The following TMEM245 variants were observed in gnomAD, a reference collection of about 807,000 sequenced individuals.
TMEM245 encodes the protein protein CG-2.
TMEM245 carries 69 observed loss-of-function variants against 101.2 expected under a neutral mutation model. The ratio of observed to expected loss-of-function variants is 0.68; its 90% confidence interval spans 0.56 to 0.83. The LOEUF (loss-of-function observed/expected upper bound fraction) is 0.83. Ranked by LOEUF, TMEM245 falls within the 40% of genes least tolerant of loss-of-function variation. TMEM245 has a pLI of 0.00. For synonymous variants in TMEM245, 537 were observed against 449.8 expected (o/e 1.19, Z -2.45); for missense variants, 1,075 against 1,092.8 (o/e 0.98, Z 0.23).
chr9:109,115,322 C>T (rs1429671236), intron 1 of TMEM245, among the ~76,000 whole-genome samples: 1 of 151,388 alleles, frequency 6.6e-6, no homozygotes, highest in Non-Finnish European at 1.5e-5. Flanking sequence ...CCAGCCTGGG[C>T]AACAAGAGCA....
chr9:109,119,296 C>G, intron 1 of TMEM245, 39 bp downstream of exon 1: 1 of 1,507,822 alleles, frequency 6.6e-7, no homozygotes. Context: ...AGCGCCGGGA[C>G]CACGGGCGGG....
In TMEM245 at chr9:109,050,410, G is replaced by T; in HGVS notation, c.1996C>A (p.Leu666Ile). The change falls in exon 14 of 18, where the codon CTA (leucine) becomes ATA (isoleucine). Residue 666 changes from leucine (L) to isoleucine (I), a missense_variant. Physicochemically the swap from Leu to Ile is conservative, Grantham distance 5. Coordinates refer to ENST00000374586, the MANE Select transcript of TMEM245 (RefSeq NM_032012.4). ...VLSLIIFLTT[L>I]FYLLSSSDEY... ...TCACTGGAACTTAATAGATAAAATA[G>T]TGTGGTCAGGAAAATTATCTGCAAA... 1 of 1,614,022 alleles carries T rather than the reference G, an allele frequency of 6.2e-7. No homozygotes were observed. Among genetic ancestry groups the T allele is most frequent in the Non-Finnish European group, 8.5e-7 (1 of 1,180,000 alleles).
chr9:109,037,877 T>C (rs996700687), intron 15 of TMEM245, 140 bp downstream of exon 15: 1 of 572,290 alleles, frequency 1.7e-6, no homozygotes, highest in African/African-American at 1.9e-5. Flanking sequence ...ATATTTCTGT[T>C]CCTAATGTGG....
chr9:109,069,535 C>T (rs1175002669), intron 9 of TMEM245, among the ~76,000 whole-genome samples: 1 of 152,174 alleles, frequency 6.6e-6, no homozygotes, highest in African/African-American at 2.4e-5. Flanking sequence ...TGTATGGCCC[C>T]TAATTTCCCG....
rs1827515325 is a variant in TMEM245, at chr9:109,018,489, G to T, written c.*1971C>A. The T allele has an allele frequency of 1.3e-5, 2 of 152,056 alleles. No homozygotes were observed. Among genetic ancestry groups the T allele is most frequent in the African/African-American group, 4.8e-5 (2 of 41,382 alleles). 9.4% of individuals were successfully genotyped at this position (152,056 alleles called of 1,614,324 possible). A position where few individuals can be genotyped will look rare whatever the true frequency, so the allele number is the denominator to read the frequency against. On this transcript the variant is annotated 3_prime_UTR_variant, in exon 18 of 18. Coordinates refer to ENST00000374586, the MANE Select transcript of TMEM245 (RefSeq NM_032012.4). ...AAATCTAATACTCAGTGGAATAGCT[G>T]ATTATAATCGCTAAAATATTCATAA...
At chr9:109,065,950 A>G (rs911851903) in intron 9 of TMEM245, among the ~76,000 whole-genome samples, 2 of 152,152 alleles carry the variant, frequency 1.3e-5, no homozygotes, top group African/African-American at 4.8e-5. Flanking sequence ...GATGGTCATA[A>G]AGAGAAAGTC....
intron 15 of TMEM245, among the ~76,000 whole-genome samples, chr9:109,036,807 C>G (rs531468210): frequency 6.6e-6 from 1 of 152,082 alleles, no homozygotes; most frequent in Non-Finnish European, 1.5e-5. Context: ...GTTGAAGGAC[C>G]CTGCTTCAAG....
Position 109,115,594 on chromosome 9 carries a change from G to A in TMEM245, c.579+3741C>T, listed in dbSNP as rs548649294. Among the ~76,000 whole-genome samples the A allele has an allele frequency of 7.3e-5, 10 of 137,654 alleles. No homozygotes were observed. In the East Asian group the frequency reaches 9.4e-4, roughly 13 times the overall value. 90.3% of individuals were successfully genotyped at this position (137,654 alleles called of 152,430 possible). On this transcript the variant is annotated intron_variant, in intron 1 of 17. Coordinates refer to ENST00000374586, the MANE Select transcript of TMEM245 (RefSeq NM_032012.4). ...TGCCCAGGCTGGAGTGCAATGGCGC[G>A]ACCTGGGCTCATTACAACCTCTGCC...
chr9:109,085,780 C>G (rs1317901915), intron 7 of TMEM245, among the ~76,000 whole-genome samples: 1 of 152,200 alleles, frequency 6.6e-6, no homozygotes. Context: ...AACACCTGAG[C>G]AAGGAGATAC....
At chr9:109,069,725 G>A (rs531134594) in intron 9 of TMEM245, among the ~76,000 whole-genome samples, 3 of 152,118 alleles carry the variant, frequency 2.0e-5, no homozygotes, top group Non-Finnish European at 4.4e-5. Context: ...TTTCCCTGGA[G>A]CATACAAACA....
chr9:109,082,161 T>G (rs1315318481), intron 7 of TMEM245, among the ~76,000 whole-genome samples: 1 of 152,196 alleles, frequency 6.6e-6, no homozygotes, highest in East Asian at 1.9e-4. Flanking sequence ...TCACTTGACG[T>G]TTATAAGCTT....
At chr9:109,103,239 C>T (rs1830324608) in intron 3 of TMEM245, among the ~76,000 whole-genome samples, 1 of 152,118 alleles carries the variant, frequency 6.6e-6, no homozygotes, top group South Asian at 2.1e-4. Context: ...ACTACTGAAG[C>T]TAATAAATTC....
intron 10 of TMEM245, among the ~76,000 whole-genome samples, chr9:109,062,290 C>G (rs139203152): frequency 6.6e-5 from 10 of 152,180 alleles, no homozygotes; most frequent in Admixed American, 5.2e-4. Context: ...AGCCACCACA[C>G]CCAGCCGAAA....
At chr9:109,108,790 T>C (rs913443718) in intron 1 of TMEM245, among the ~76,000 whole-genome samples, 6 of 152,174 alleles carry the variant, frequency 3.9e-5, no homozygotes, top group African/African-American at 1.4e-4. Flanking sequence ...TAATATTAAA[T>C]AGTTGTTTAA....
At chr9:109,095,912 C>A (rs1038172313) in intron 3 of TMEM245, among the ~76,000 whole-genome samples, 9 of 152,092 alleles carry the variant, frequency 5.9e-5, no homozygotes, top group Non-Finnish European at 1.2e-4. Flanking sequence ...TAGAGGGGAC[C>A]TATAACGTAT....
chr9:109,117,823 G>A (rs1482193708), intron 1 of TMEM245, among the ~76,000 whole-genome samples: 1 of 152,190 alleles, frequency 6.6e-6, no homozygotes, highest in Non-Finnish European at 1.5e-5. Context: ...ATGTGTCTTT[G>A]ACAAAACTGA....
rs772187326 is a variant in TMEM245, at chr9:109,020,547, A to G, written c.2595-42T>C. 21 of 1,555,238 alleles carry G rather than the reference A, an allele frequency of 1.4e-5. No individual in the cohort carries two copies. The African/African-American group carries it at 2.6e-4, about 19-fold the overall frequency. ...CGGAATGATTAGTTGATTACCATAA[A>G]ACAGTATCCTATTTTTACAATCTTT... On this transcript the variant is annotated intron_variant, in intron 17 of 17. Coordinates refer to ENST00000374586, the MANE Select transcript of TMEM245 (RefSeq NM_032012.4).
At chr9:109,100,761 T>C (rs1328852072) in intron 3 of TMEM245, among the ~76,000 whole-genome samples, 1 of 152,242 alleles carries the variant, frequency 6.6e-6, no homozygotes, top group Admixed American at 6.5e-5. Flanking sequence ...CCATCTATCT[T>C]ACAAAGATTT....
Position 109,084,363 on chromosome 9 carries a change from A to G in TMEM245, c.1344+1634T>C, listed in dbSNP as rs147728456. ...TCTATCTTTACACCAATGCTTTACT[A>G]TGTTATATGGAATCATCAAAGGAAA... On this transcript the variant is annotated intron_variant, in intron 7 of 17. Coordinates refer to ENST00000374586, the MANE Select transcript of TMEM245 (RefSeq NM_032012.4). 4.3e-4 allele frequency among the ~76,000 whole-genome samples: 66 copies of G among 152,282 alleles called. 2 individuals are homozygous for G. The highest frequency in any genetic ancestry group is 1.4e-3 in the African/African-American group (60 of 41,558).
Sources: allele counts gnomAD v4.1 joint callset (sites outside exome capture counted in the v4.1 genomes callset), GRCh38; gene constraint gnomAD v4.1.1; transcripts MANE v1.5; gene names NCBI Gene and HGNC (gene_info 2026-07-23, HGNC 2026-07-21).